MRPS27: variants seen among roughly 807,000 people sequenced by gnomAD.
The protein encoded by MRPS27 is mitochondrial ribosomal protein S27.
A neutral mutation model predicts 48.9 loss-of-function variants in MRPS27; 43 were observed. The observed-to-expected ratio is 0.88, with a 90% CI of 0.69 to 1.13. The LOEUF (loss-of-function observed/expected upper bound fraction) is 1.13. Among genes scored for constraint, MRPS27 ranks in the 50% most tolerant of loss-of-function variants. MRPS27 has a pLI of 0.00. For synonymous variants in MRPS27, 188 were observed against 171.9 expected, an observed-to-expected ratio of 1.09 and a Z score of -0.73; for missense variants, 467 against 476.3, an observed-to-expected ratio of 0.98 and a Z score of 0.18.
chr5:72,320,128 T>C, intron 1 of MRPS27, 21 bp downstream of exon 1: 2 of 1,610,154 alleles, frequency 1.2e-6, no homozygotes, highest in Admixed American at 1.7e-5. Context: ...ATCAGGGGCC[T>C]AATGAAGCTG....
At chr5:72,248,138 T>C (rs1460321030) in intron 4 of MRPS27, among the ~76,000 whole-genome samples, 1 of 152,214 alleles carries the variant, frequency 6.6e-6, no homozygotes, top group African/African-American at 2.4e-5. Flanking sequence ...AGCTCCTCTA[T>C]TTAGCTCAAG....
rs1282570002 is a variant in MRPS27 at position 72,223,731 on chromosome 5, G to A, written c.957C>T (p.Ile319=). Residue 319 remains isoleucine, a synonymous_variant, in exon 10 of 11, where the codon ATC becomes ATT. Coordinates refer to ENST00000261413, the MANE Select transcript of MRPS27 (RefSeq NM_015084.3). ...GSEKLVEQLD[I]EETEQSKLPQ... Reference sequence around the variant, plus strand: ...GAAGCTTGGACTGCTCTGTTTCCTCGATGTCTAACTGCTCCACCAGTTTTT... The same window carrying A: ...GAAGCTTGGACTGCTCTGTTTCCTCAATGTCTAACTGCTCCACCAGTTTTT... 8 of 1,613,976 alleles carry A rather than the reference G, an allele frequency of 5.0e-6. No individual in the cohort carries two copies. Among genetic ancestry groups the A allele is most frequent in the East Asian group, 4.5e-5 (2 of 44,866 alleles).
intron 4 of MRPS27, among the ~76,000 whole-genome samples, chr5:72,276,727 A>T (rs1287088461): frequency 6.6e-6 from 1 of 152,010 alleles, no homozygotes; most frequent in Non-Finnish European, 1.5e-5. Flanking sequence ...AAAAAAAAAA[A>T]TGCCACTAAA....
At chr5:72,276,958 G>C (rs1749393603) in intron 4 of MRPS27, among the ~76,000 whole-genome samples, 1 of 152,042 alleles carries the variant, frequency 6.6e-6, no homozygotes, top group East Asian at 1.9e-4. Context: ...TTGAACCCAG[G>C]AGGCGGAGGT....
Position 72,260,888 on chromosome 5 carries a change from C to T in MRPS27, c.282-22760G>A, listed in dbSNP as rs574543804. ...ATTAATTAATTAATTGTTTTTGAGA[C>T]AGTCTTGCTCTTTAGCTGAGGCTGG... is the stretch of plus-strand genomic sequence containing the variant. On this transcript the variant is annotated intron_variant, in intron 4 of 10. Coordinates refer to ENST00000261413, the MANE Select transcript of MRPS27 (RefSeq NM_015084.3). Among the ~76,000 whole-genome samples, 19 of 152,260 alleles carry T rather than the reference C, an allele frequency of 1.2e-4. No individual in the cohort carries two copies. The South Asian group carries it at 2.3e-3, about 18-fold the overall frequency.
At chr5:72,237,887 G>A (rs1748243453) in intron 5 of MRPS27, 127 bp downstream of exon 5, 1 of 636,000 alleles carries the variant, frequency 1.6e-6, no homozygotes, top group Non-Finnish European at 2.8e-6. Context: ...CTGTTAATAA[G>A]AATATTTGAG....
intron 4 of MRPS27, among the ~76,000 whole-genome samples, chr5:72,275,404 T>C (rs1003682463): frequency 2.6e-5 from 4 of 152,142 alleles, no homozygotes; most frequent in African/African-American, 9.7e-5. Flanking sequence ...GAAAAAACAT[T>C]CCATGCTCAT....
chr5:72,242,925 C>T (rs1375955747), intron 4 of MRPS27, among the ~76,000 whole-genome samples: 2 of 152,216 alleles, frequency 1.3e-5, no homozygotes, highest in East Asian at 3.9e-4. Flanking sequence ...GCTCACAGCT[C>T]CACCATTTAG....
chr5:72,270,595 C>T (rs941874967), intron 4 of MRPS27, among the ~76,000 whole-genome samples: 4 of 152,072 alleles, frequency 2.6e-5, no homozygotes, highest in Admixed American at 6.5e-5. Flanking sequence ...CTATCAAGCA[C>T]CGAAGAAACT....
At chr5:72,292,557 T>G (rs1749855501) in intron 4 of MRPS27, among the ~76,000 whole-genome samples, 1 of 152,190 alleles carries the variant, frequency 6.6e-6, no homozygotes, top group Non-Finnish European at 1.5e-5. Flanking sequence ...GATAATAAGC[T>G]GGCAGGTACC....
At chr5:72,227,702 A>G (rs1747939196) in intron 8 of MRPS27, 1 of 152,506 alleles carries the variant, frequency 6.6e-6, no homozygotes, top group African/African-American at 2.4e-5. Flanking sequence ...TTGTCCTCTT[A>G]ACCTGTCTGA....
chr5:72,223,676 G>T lies in MRPS27; in HGVS notation c.1005+7C>A, dbSNP rs373837365. 1.9e-6 allele frequency: 3 copies of T among 1,613,906 alleles called. No individual in the cohort carries two copies. The highest frequency in any genetic ancestry group is 2.5e-6 in the Non-Finnish European group (3 of 1,179,842). ...TGCTAAGAGAGACACGTTCTGCTAT[G>T]ATTCACCTTAAATCGTTCCAGGTAT... On this transcript the variant is annotated splice_region_variant and intron_variant, in intron 10 of 10. Transcript: ENST00000261413.
chr5:72,249,422 G>A (rs1414634515), intron 4 of MRPS27, among the ~76,000 whole-genome samples: 1 of 152,232 alleles, frequency 6.6e-6, no homozygotes, highest in Non-Finnish European at 1.5e-5. Context: ...GGTGGCTCAC[G>A]CCTGTAATCC....
intron 4 of MRPS27, among the ~76,000 whole-genome samples, chr5:72,239,807 G>C (rs1748302501): frequency 6.6e-6 from 1 of 152,098 alleles, no homozygotes; most frequent in Non-Finnish European, 1.5e-5. Flanking sequence ...AGCCTCTCGA[G>C]TAGCTGGGAG....
intron 4 of MRPS27, among the ~76,000 whole-genome samples, chr5:72,292,202 A>ATTTT (rs1749840949): frequency 8.0e-6 from 1 of 124,282 alleles, no homozygotes; most frequent in African/African-American, 3.3e-5. Context: ...GGGTATTACC[A>ATTTT]GTTTTTTTTT....
intron 4 of MRPS27, among the ~76,000 whole-genome samples, chr5:72,293,259 T>C (rs1580106049): frequency 6.7e-6 from 1 of 149,202 alleles, no homozygotes; most frequent in African/African-American, 2.5e-5. Flanking sequence ...CTCATATATA[T>C]ACAAGCACAT....
At chr5:72,294,590 G>T (rs948614590) in intron 4 of MRPS27, 1 of 152,150 alleles carries the variant, frequency 6.6e-6, no homozygotes, top group Non-Finnish European at 1.5e-5. Context: ...GCATTAGGTT[G>T]TTTCAGTCTT....
intron 2 of MRPS27, among the ~76,000 whole-genome samples, chr5:72,306,221 G>T (rs759219158): frequency 6.6e-6 from 1 of 152,098 alleles, no homozygotes; most frequent in Non-Finnish European, 1.5e-5. Flanking sequence ...AAATTTCCTA[G>T]ATAATAAATG....
At chr5:72,280,415 A>T (rs563076287) in intron 4 of MRPS27, among the ~76,000 whole-genome samples, 104 of 152,204 alleles carry the variant, frequency 6.8e-4, no homozygotes, top group African/African-American at 1.2e-3. Flanking sequence ...TATTTTTTTT[A>T]AAAAAAGAAT....
Sources: gnomAD v4.1 joint callset for allele counts (sites outside exome capture counted in the v4.1 genomes callset) on GRCh38, gnomAD v4.1.1 for gene constraint, MANE v1.5 for transcripts, NCBI Gene and HGNC (gene_info 2026-07-23, HGNC 2026-07-21) for gene names.